NGLY1: variants seen among roughly 807,000 people sequenced by gnomAD.
NGLY1 encodes the protein N-glycanase 1.
NGLY1 carries 68 observed loss-of-function variants against 84.6 expected under a neutral mutation model. The ratio of observed to expected loss-of-function variants is 0.80; its 90% CI spans 0.66 to 0.98. The LOEUF is 0.98. Among genes scored for constraint, NGLY1 ranks in the 50% least tolerant of loss-of-function variants. The pLI, the probability that NGLY1 is intolerant of heterozygous loss-of-function variation, is 0.00. For missense variants in NGLY1, 779 were observed against 770.2 expected, an observed-to-expected ratio of 1.01 and a Z score of -0.14; for synonymous variants, 280 against 275.2, an observed-to-expected ratio of 1.02 and a Z score of -0.17.
chr3:25,760,568 G>A (rs1707260207), intron 3 of NGLY1, among the ~76,000 whole-genome samples: 1 of 152,032 alleles, frequency 6.6e-6, no homozygotes, highest in African/African-American at 2.4e-5. Context: ...CTCTTACAAA[G>A]CTAGCACACA....
At position 25,755,010 on chromosome 3, in the gene NGLY1, C is replaced by A. The variant is rs112266570; in HGVS notation, c.493-3747G>T. The stretch of plus-strand genomic sequence containing the variant: ...CAGATCTCGAAGGATATGGGAATCA[C>A]AGACTACAAACCAAAGGTTATAAAT... On this transcript the variant is annotated intron_variant, in intron 3 of 11. Transcript: ENST00000280700. 1.1e-5 allele frequency: 10 copies of A among 898,126 alleles called. 1 individual carries two copies. The highest frequency in any genetic ancestry group is 8.1e-5 in the African/African-American group (5 of 61,416). The allele number at this position is 898,126 out of a possible 1,614,324, so 55.6% of individuals were successfully genotyped here. A position where few individuals can be genotyped will look rare whatever the true frequency, so the allele number is the denominator to read the frequency against.
At chr3:25,719,888 T>TA in intron 11 of NGLY1, 126 bp downstream of exon 11, 2 of 858,298 alleles carry the variant, frequency 2.3e-6, no homozygotes, top group Non-Finnish European at 3.4e-6. Context: ...TTAAATTTTT[T>TA]TTTTTTTACT....
intron 9 of NGLY1, 150 bp from the exon 10 acceptor site, chr3:25,729,468 TTAAATA>T (rs774429530): frequency 1.9e-5 from 8 of 410,608 alleles, no homozygotes; most frequent in Admixed American, 8.7e-5. Context: ...ATTTTATAAA[TTAAATA>T]TAATCAGTAT....
chr3:25,777,208 C>G (rs1179423740), intron 2 of NGLY1, among the ~76,000 whole-genome samples: 1 of 152,158 alleles, frequency 6.6e-6, no homozygotes, highest in Admixed American at 6.5e-5. Flanking sequence ...CCAACCTGAC[C>G]AACATGGAGA....
At chr3:25,740,367 C>T (rs754991456) in intron 4 of NGLY1, among the ~76,000 whole-genome samples, 2 of 151,956 alleles carry the variant, frequency 1.3e-5, no homozygotes, top group African/African-American at 2.4e-5. Context: ...ATATAACAAC[C>T]CTAGTAAGTT....
intron 3 of NGLY1, chr3:25,755,649 T>G: frequency 1.4e-6 from 2 of 1,476,452 alleles, no homozygotes; most frequent in Middle Eastern, 1.8e-4. Context: ...GAGAAAAACA[T>G]GAAGATGATG....
chr3:25,777,375 A>T (rs1708203518), intron 2 of NGLY1, among the ~76,000 whole-genome samples: 1 of 148,740 alleles, frequency 6.7e-6, no homozygotes, highest in Non-Finnish European at 1.5e-5. Context: ...AGCCTGGGCA[A>T]CAAGAGCGAA....
intron 8 of NGLY1, 129 bp downstream of exon 8, chr3:25,733,743 G>A: frequency 2.1e-6 from 1 of 469,118 alleles, no homozygotes; most frequent in Non-Finnish European, 3.5e-6. Flanking sequence ...TATTCAAAAA[G>A]AATATTAAAA....
chr3:25,755,375 A>G, intron 3 of NGLY1: 3 of 1,344,676 alleles, frequency 2.2e-6, no homozygotes, highest in East Asian at 2.3e-5. Flanking sequence ...TGGTGCTGTT[A>G]GTAGCAAACC....
Position 25,735,663 on chromosome 3 carries a change from C to T in NGLY1, c.1149+341G>A, listed in dbSNP as rs139407628. Reference sequence around the variant, plus strand: ...TTGTATGTATATCTACCATATAATGCAGCCATTCTACTCCTAGGCATTAAG... The same window carrying T: ...TTGTATGTATATCTACCATATAATGTAGCCATTCTACTCCTAGGCATTAAG... On this transcript the variant is annotated intron_variant, in intron 7 of 11. Coordinates refer to ENST00000280700, the MANE Select transcript of NGLY1 (RefSeq NM_018297.4). 1.9e-3 allele frequency: 318 copies of T among 171,872 alleles called. 2 individuals carry two copies. Among genetic ancestry groups the T allele is most frequent in the African/African-American group, 7.1e-3 (298 of 42,098 alleles). 10.6% of individuals were successfully genotyped at this position (171,872 alleles called of 1,614,324 possible).
At position 25,778,639 on chromosome 3, in the gene NGLY1, A is replaced by G. The variant is rs1284955783; in HGVS notation, c.181T>C (p.Phe61Leu). 5 of 1,613,090 alleles carry G rather than the reference A, an allele frequency of 3.1e-6. 1 individual carries two copies. In the South Asian group the frequency reaches 5.5e-5, roughly 18 times the overall value. ...CTGACAGGCAAGAGTCTAGTAGAAA[A>G]GGCTGTGTTTCCAATCCGGATGGAT... ...YRSIRIGNTA[F>L]STRLLPVRGA... Residue 61 changes from phenylalanine (F) to leucine (L), a missense_variant, in exon 2 of 12, where the codon TTT (phenylalanine) becomes CTT (leucine). By Grantham distance (22) the Phe-to-Leu change is conservative. Transcript: ENST00000280700.
At chr3:25,752,764 T>C (rs1706824062) in intron 3 of NGLY1, among the ~76,000 whole-genome samples, 1 of 151,864 alleles carries the variant, frequency 6.6e-6, no homozygotes, top group African/African-American at 2.4e-5. Context: ...CAGTGAGCTG[T>C]GACTGCCCTA....
intron 2 of NGLY1, among the ~76,000 whole-genome samples, chr3:25,774,628 CACTCCCACCAT>C (rs1380932930): frequency 2.0e-5 from 3 of 152,132 alleles, no homozygotes; most frequent in Non-Finnish European, 2.9e-5. Context: ...GGGCCAGTCT[CACTCCCACCAT>C]GCTCCACCAA....
chr3:25,770,998 G>C (rs1271936100), intron 2 of NGLY1, among the ~76,000 whole-genome samples: 4 of 152,146 alleles, frequency 2.6e-5, no homozygotes, highest in African/African-American at 9.7e-5. Flanking sequence ...TCTGTGGGTT[G>C]TCTGTTAACT....
intron 5 of NGLY1, 74 bp from the exon 6 acceptor site, chr3:25,737,529 A>G: frequency 7.5e-7 from 1 of 1,338,810 alleles, no homozygotes; most frequent in South Asian, 1.5e-5. Context: ...CCTCTATGCT[A>G]AACAGAAATG....
chr3:25,783,331 G>A lies in NGLY1; in HGVS notation c.60C>T (p.Leu20=). 1.3e-6 allele frequency: 2 copies of A among 1,593,886 alleles called. No homozygotes were observed. The highest frequency in any genetic ancestry group is 1.7e-6 in the Non-Finnish European group (2 of 1,171,644). Residue 20 remains leucine (L), a synonymous_variant, in exon 1 of 12, where the codon CTC becomes CTT. Coordinates refer to ENST00000280700, the MANE Select transcript of NGLY1 (RefSeq NM_018297.4). The surrounding 1 kb of genome is among the most constrained non-coding windows in gnomAD (Gnocchi z 4.5). ...SGSASPAVAE[L]CQNTPETFLE... The stretch of plus-strand genomic sequence containing the variant: ...AAAAGGTCTCCGGGGTGTTCTGGCA[G>A]AGCTCAGCCACGGCCGGGGACGCCG...
chr3:25,765,717 T>C (rs922408580), intron 2 of NGLY1, among the ~76,000 whole-genome samples: 5 of 152,160 alleles, frequency 3.3e-5, no homozygotes, highest in African/African-American at 1.2e-4. Flanking sequence ...GTATTGTCTT[T>C]GTGTGTTCTA....
chr3:25,720,584 T>C (rs1306283235), intron 10 of NGLY1, among the ~76,000 whole-genome samples: 1 of 152,204 alleles, frequency 6.6e-6, no homozygotes. Flanking sequence ...AAGTCTGGAT[T>C]TTCATATACG....
chr3:25,780,201 G>T (rs1708346720), intron 1 of NGLY1, among the ~76,000 whole-genome samples: 1 of 152,102 alleles, frequency 6.6e-6, no homozygotes, highest in Non-Finnish European at 1.5e-5. Flanking sequence ...TTAGATTAGG[G>T]TTTCTCAGTC....
Sources: allele counts gnomAD v4.1 joint callset (sites outside exome capture counted in the v4.1 genomes callset), GRCh38; gene constraint gnomAD v4.1.1; non-coding constraint Gnocchi (gnomAD v3.1); transcripts MANE v1.5; gene names NCBI Gene and HGNC (gene_info 2026-07-23, HGNC 2026-07-21).